Variants in BTBD10 observed in about 807,000 individuals in gnomAD.
BTBD10 encodes BTB domain containing 10.
BTBD10 carries 21 observed loss-of-function variants against 53.2 expected under a neutral mutation model. The observed-to-expected ratio is 0.39, with a 90% CI of 0.28 to 0.57. The LOEUF is 0.57. Among genes scored for constraint, BTBD10 ranks in the 20% least tolerant of loss-of-function variants. BTBD10 has a pLI of 0.53. For missense variants in BTBD10, 360 were observed against 594.7 expected, an observed-to-expected ratio of 0.61 and a Z score of 4.10; for synonymous variants, 149 against 192.7, an observed-to-expected ratio of 0.77 and a Z score of 1.88.
In BTBD10 at chr11:13,413,737, T is replaced by G. The variant is rs1424067795; in HGVS notation, c.688-87A>C. On this transcript the variant is annotated intron_variant, in intron 5 of 8. Coordinates refer to ENST00000278174, the MANE Select transcript of BTBD10 (RefSeq NM_032320.7). ...TATTAAGGAAGGGCTGGTAACATTT[T>G]CAGAAACAGTAGAGAACTCTGACAT... The G allele has an allele frequency of 9.2e-6, 12 of 1,309,632 alleles. No homozygotes were observed. The East Asian group carries it at 2.7e-4, about 30-fold the overall frequency. The allele number at this position is 1,309,632 out of a possible 1,614,324, so 81.1% of individuals were successfully genotyped here. A position where few individuals can be genotyped will look rare whatever the true frequency, so the allele number is the denominator to read the frequency against.
In BTBD10 at chr11:13,388,874, C is replaced by G. The variant is rs1323710540; in HGVS notation, c.1385G>C (p.Gly462Ala). The G allele has an allele frequency of 1.2e-6, 2 of 1,614,032 alleles. No homozygotes were observed. Among genetic ancestry groups the G allele is most frequent in the South Asian group, 1.1e-5 (1 of 91,072 alleles). The part of the protein sequence containing the change: ...LDILPIHPPS[G>A]NSDLDPDAQN... ...TGCATCAGGATCGAGGTCACTGTTG[C>G]CAGAAGGGGGATGGATAGGGAGAAT... The change falls in exon 9 of 9, where the codon GGC becomes GCC. Residue 462 changes from glycine (G) to alanine (A), a missense_variant. Gly to Ala is a moderately conservative substitution (Grantham distance 60). Transcript: ENST00000278174.
intron 1 of BTBD10, among the ~76,000 whole-genome samples, chr11:13,450,468 C>T (rs1391028597): frequency 6.6e-6 from 1 of 152,170 alleles, no homozygotes; most frequent in African/African-American, 2.4e-5. Context: ...TGATGAGCTT[C>T]TATCCTTAGG....
At chr11:13,430,974 T>TAC (rs3046409) in intron 2 of BTBD10, among the ~76,000 whole-genome samples, 1,607 of 144,472 alleles carry the variant, frequency 0.011, 10 homozygotes, top group African/African-American at 0.016. Flanking sequence ...TGGAGATACA[T>TAC]ACACACACAC....
At chr11:13,410,239 G>C (rs575420271) in intron 6 of BTBD10, among the ~76,000 whole-genome samples, 1 of 152,276 alleles carries the variant, frequency 6.6e-6, no homozygotes, top group South Asian at 2.1e-4. Flanking sequence ...TGAAGCCACA[G>C]TGATGAATAG....
At chr11:13,419,425 T>C (rs368679712) in intron 4 of BTBD10, 35 bp downstream of exon 4, 39 of 1,592,232 alleles carry the variant, frequency 2.4e-5, no homozygotes, top group Non-Finnish European at 2.8e-5. Context: ...AAGCACATTA[T>C]AATTAGTAAT....
At position 13,399,892 on chromosome 11, in the gene BTBD10, G is replaced by C. The variant is rs186493767; in HGVS notation, c.1117+3276C>G. ...TGGTGAACTGCAAATGCTGCTGCCTGATCGTTCCTCTGGAAGTTTTCTCTC... is the reference window on the plus strand; with the variant it reads ...TGGTGAACTGCAAATGCTGCTGCCTCATCGTTCCTCTGGAAGTTTTCTCTC... On this transcript the variant is annotated intron_variant, in intron 8 of 8. Coordinates refer to ENST00000278174, the MANE Select transcript of BTBD10 (RefSeq NM_032320.7). Among the ~76,000 whole-genome samples the C allele has an allele frequency of 6.8e-3, 1,034 of 152,274 alleles. 17 individuals carry two copies. Among genetic ancestry groups the C allele is most frequent in the African/African-American group, 0.024 (986 of 41,544 alleles).
At chr11:13,396,396 C>G (rs138051433) in intron 8 of BTBD10, among the ~76,000 whole-genome samples, 6,022 of 152,254 alleles carry the variant, frequency 0.04, 151 homozygotes, top group Non-Finnish European at 0.057. Flanking sequence ...ATTTTGTATC[C>G]TGAGACTTTG....
At chr11:13,415,659 A>T (rs914707568) in intron 5 of BTBD10, among the ~76,000 whole-genome samples, 2 of 152,018 alleles carry the variant, frequency 1.3e-5, no homozygotes, top group Non-Finnish European at 2.9e-5. Flanking sequence ...CACACTTTGT[A>T]CTTTTATAGA....
At chr11:13,452,947 T>A (rs185725571) in intron 1 of BTBD10, among the ~76,000 whole-genome samples, 1 of 152,298 alleles carries the variant, frequency 6.6e-6, no homozygotes, top group African/African-American at 2.4e-5. Flanking sequence ...CTAAAAGTTT[T>A]AAGATTTTGC....
At chr11:13,439,967 A>C (rs1950616003) in intron 2 of BTBD10, 1 of 1,535,010 alleles carries the variant, frequency 6.5e-7, no homozygotes, top group Non-Finnish European at 8.7e-7. Flanking sequence ...CTGCTCTTTC[A>C]AACAATGAAG....
At chr11:13,407,381 C>T (rs564053796) in intron 6 of BTBD10, among the ~76,000 whole-genome samples, 4 of 152,238 alleles carry the variant, frequency 2.6e-5, no homozygotes, top group Admixed American at 2.0e-4. Context: ...TTCAGAGGTA[C>T]GTCAAACTCA....
intron 2 of BTBD10, among the ~76,000 whole-genome samples, chr11:13,426,558 A>G (rs997617852): frequency 3.9e-5 from 6 of 152,188 alleles, no homozygotes; most frequent in Non-Finnish European, 5.9e-5. Context: ...ACATATAACT[A>G]GAGTAGCACA....
chr11:13,459,959 G>A (rs144827320), intron 1 of BTBD10, among the ~76,000 whole-genome samples: 1 of 152,278 alleles, frequency 6.6e-6, no homozygotes, highest in African/African-American at 2.4e-5. Flanking sequence ...CGAAAATAAT[G>A]GTTCCCCCTT....
intron 3 of BTBD10, among the ~76,000 whole-genome samples, chr11:13,419,968 CTT>C (rs1227689270): frequency 6.6e-6 from 1 of 152,056 alleles, no homozygotes; most frequent in Non-Finnish European, 1.5e-5. Context: ...TATTTGTAGA[CTT>C]TTAAAAAAGA....
Position 13,388,350 on chromosome 11 carries a change from A to G in BTBD10, c.*481T>C, listed in dbSNP as rs1949307689. On this transcript the variant is annotated 3_prime_UTR_variant, in exon 9 of 9. Transcript: ENST00000278174. ...TCATCAAGGGCAGCAAACTATACAAATTGTACTGGAGGAATACTTTGACAG... is the reference window on the plus strand; with the variant it reads ...TCATCAAGGGCAGCAAACTATACAAGTTGTACTGGAGGAATACTTTGACAG... The G allele has an allele frequency of 6.4e-6, 1 of 155,494 alleles. No individual in the cohort carries two copies. Among genetic ancestry groups the G allele is most frequent in the South Asian group, 2.0e-4 (1 of 5,084 alleles). 9.6% of individuals were successfully genotyped at this position (155,494 alleles called of 1,614,324 possible).
intron 6 of BTBD10, among the ~76,000 whole-genome samples, chr11:13,410,518 G>A (rs1158662794): frequency 6.6e-6 from 1 of 152,068 alleles, no homozygotes; most frequent in Admixed American, 6.6e-5. Context: ...ATATAGACAT[G>A]AGCCCCACGT....
chr11:13,424,123 ACT>A (rs1950292895), intron 2 of BTBD10, among the ~76,000 whole-genome samples: 1 of 152,198 alleles, frequency 6.6e-6, no homozygotes, highest in African/African-American at 2.4e-5. Context: ...AGAAAAAATA[ACT>A]CTTCAAATTA....
intron 6 of BTBD10, among the ~76,000 whole-genome samples, chr11:13,410,339 C>CA (rs1458944476): frequency 6.6e-6 from 1 of 151,930 alleles, no homozygotes; most frequent in Non-Finnish European, 1.5e-5. Context: ...AAAAGGATGC[C>CA]AAAAAGCCAA....
chr11:13,444,595 C>T (rs1159646572), intron 2 of BTBD10, among the ~76,000 whole-genome samples: 2 of 152,048 alleles, frequency 1.3e-5, no homozygotes, highest in Non-Finnish European at 2.9e-5. Flanking sequence ...AGGATGACAA[C>T]ACAATATAAA....
Sources: gnomAD v4.1 joint callset for allele counts (sites outside exome capture counted in the v4.1 genomes callset) on GRCh38, gnomAD v4.1.1 for gene constraint, MANE v1.5 for transcripts, NCBI Gene and HGNC (gene_info 2026-07-23, HGNC 2026-07-21) for gene names.